Variants in COMMD10 observed in about 807,000 individuals in gnomAD.
COMMD10 encodes COMM domain containing 10.
In COMMD10, 33 loss-of-function variants were observed where a neutral mutation model predicts 28.9. The observed-to-expected ratio is 1.14, with a 90% CI of 0.87 to 1.53. COMMD10 has a LOEUF of 1.53. Among genes scored for constraint, COMMD10 ranks in the 40% most tolerant of loss-of-function variants. COMMD10 has a pLI of 0.00. For missense variants in COMMD10, 310 were observed against 233.4 expected, an observed-to-expected ratio of 1.33 and a Z score of -2.14; for synonymous variants, 110 against 81.7, an observed-to-expected ratio of 1.35 and a Z score of -1.87.
At chr5:116,215,606 G>GA (rs1341528981) in intron 5 of COMMD10, among the ~76,000 whole-genome samples, 2 of 150,838 alleles carry the variant, frequency 1.3e-5, no homozygotes, top group African/African-American at 2.4e-5. Flanking sequence ...AGAATCGCTT[G>GA]ATCCCGGGAG....
At chr5:116,165,659 G>A (rs1289120488) in intron 5 of COMMD10, among the ~76,000 whole-genome samples, 2 of 152,068 alleles carry the variant, frequency 1.3e-5, no homozygotes, top group East Asian at 1.9e-4. Context: ...CACAGGGCTG[G>A]TAGAGAGTGA....
intron 5 of COMMD10, among the ~76,000 whole-genome samples, chr5:116,146,881 T>G (rs1383758502): frequency 6.6e-6 from 1 of 151,908 alleles, no homozygotes; most frequent in Non-Finnish European, 1.5e-5. Flanking sequence ...ATATAAAATC[T>G]CTTTATTTTT....
chr5:116,264,612 TACATAACAGACACAGC>T (rs1750535294), intron 5 of COMMD10, among the ~76,000 whole-genome samples: 1 of 151,920 alleles, frequency 6.6e-6, no homozygotes. Flanking sequence ...CCCATCCGTT[TACATAACAGACACAGC>T]ACTGTGGTCT....
At chr5:116,114,870 G>A (rs1377553435) in intron 4 of COMMD10, among the ~76,000 whole-genome samples, 3 of 152,094 alleles carry the variant, frequency 2.0e-5, no homozygotes, top group Non-Finnish European at 4.4e-5. Context: ...GCCCTGCCCA[G>A]GTCAGGACCA....
At chr5:116,091,256 C>T (rs1750290845) in intron 3 of COMMD10, 67 bp downstream of exon 3, 1 of 700,044 alleles carries the variant, frequency 1.4e-6, no homozygotes, top group Non-Finnish European at 2.3e-6. Flanking sequence ...GTTATGATAT[C>T]TATGACATTC....
At chr5:116,200,607 T>C (rs1406581153) in intron 5 of COMMD10, among the ~76,000 whole-genome samples, 1 of 152,088 alleles carries the variant, frequency 6.6e-6, no homozygotes, top group Non-Finnish European at 1.5e-5. Flanking sequence ...GTTTTTTGTT[T>C]TGTTTTGTTT....
intron 5 of COMMD10, among the ~76,000 whole-genome samples, chr5:116,282,474 C>G (rs182539830): frequency 1.3e-5 from 2 of 151,972 alleles, no homozygotes; most frequent in Admixed American, 6.5e-5. Flanking sequence ...ATATCTAAAA[C>G]TCTATAATGC....
At chr5:116,243,426 T>C (rs1347053793) in intron 5 of COMMD10, among the ~76,000 whole-genome samples, 5 of 152,166 alleles carry the variant, frequency 3.3e-5, no homozygotes, top group Non-Finnish European at 7.4e-5. Context: ...CATGTTTTAA[T>C]TTCTGAAATA....
Position 116,187,886 on chromosome 5 carries a change from G to T in COMMD10, c.510+53708G>T, listed in dbSNP as rs114572320. Among the ~76,000 whole-genome samples, 1,134 of 152,120 alleles carry T rather than the reference G, an allele frequency of 7.5e-3. 21 individuals are homozygous for T. The highest frequency in any genetic ancestry group is 0.026 in the African/African-American group (1,086 of 41,504). On this transcript the variant is annotated intron_variant, in intron 5 of 6. Coordinates refer to ENST00000274458, the MANE Select transcript of COMMD10 (RefSeq NM_016144.4). Reference sequence around the variant, plus strand: ...TATTTTAGTTAAGTTATAGCCATGTGTCTTGGGTAGAATTCTGAGAGAATA... The same window carrying T: ...TATTTTAGTTAAGTTATAGCCATGTTTCTTGGGTAGAATTCTGAGAGAATA...
At chr5:116,100,988 G>A (rs1750641754) in intron 4 of COMMD10, among the ~76,000 whole-genome samples, 1 of 152,152 alleles carries the variant, frequency 6.6e-6, no homozygotes, top group Non-Finnish European at 1.5e-5. Context: ...GTAAGAATAT[G>A]CAGTATTTGT....
At chr5:116,214,380 A>G (rs1455161703) in intron 5 of COMMD10, among the ~76,000 whole-genome samples, 2 of 152,194 alleles carry the variant, frequency 1.3e-5, no homozygotes, top group Non-Finnish European at 2.9e-5. Flanking sequence ...ATTTTTTAAA[A>G]CAAAACTTTT....
At chr5:116,149,159 T>C (rs1467787045) in intron 5 of COMMD10, among the ~76,000 whole-genome samples, 4 of 143,600 alleles carry the variant, frequency 2.8e-5, no homozygotes, top group Non-Finnish European at 6.0e-5. Flanking sequence ...TCCAATTTCA[T>C]CCATGTCCCT....
rs185102269 is a variant in COMMD10, at chr5:116,168,091, C to T, written c.510+33913C>T. Among the ~76,000 whole-genome samples the T allele has an allele frequency of 8.3e-3, 1,187 of 143,334 alleles. 16 individuals carry two copies. The highest frequency in any genetic ancestry group is 0.029 in the African/African-American group (1,088 of 38,046). 94.0% of individuals were successfully genotyped at this position (143,334 alleles called of 152,430 possible). A position where few individuals can be genotyped will look rare whatever the true frequency, so the allele number is the denominator to read the frequency against. On this transcript the variant is annotated intron_variant, in intron 5 of 6. Coordinates refer to ENST00000274458, the MANE Select transcript of COMMD10 (RefSeq NM_016144.4). Reference sequence around the variant, plus strand: ...TGTGCTGTATTCAGGAGACCCATCTCGTGTGCAAAGACACACATAGGCTCA... The same window carrying T: ...TGTGCTGTATTCAGGAGACCCATCTTGTGTGCAAAGACACACATAGGCTCA...
intron 5 of COMMD10, among the ~76,000 whole-genome samples, chr5:116,229,472 A>G (rs1749475106): frequency 6.6e-6 from 1 of 152,050 alleles, no homozygotes; most frequent in Admixed American, 6.6e-5. Flanking sequence ...CATTACCTCT[A>G]TTCAACTGTG....
At chr5:116,291,608 T>C (rs1477790644) in intron 6 of COMMD10, 32 bp downstream of exon 6, 3 of 1,233,690 alleles carry the variant, frequency 2.4e-6, no homozygotes, top group Non-Finnish European at 3.5e-6. Context: ...TTCTAATATG[T>C]GGAGTTTTTT....
At chr5:116,101,225 T>A (rs958289586) in intron 4 of COMMD10, among the ~76,000 whole-genome samples, 4 of 152,068 alleles carry the variant, frequency 2.6e-5, no homozygotes, top group Non-Finnish European at 5.9e-5. Context: ...ACCTTTTTAG[T>A]ACACTGATTT....
chr5:116,233,426 A>T (rs897292251), intron 5 of COMMD10, among the ~76,000 whole-genome samples: 3 of 152,172 alleles, frequency 2.0e-5, no homozygotes, highest in Non-Finnish European at 2.9e-5. Context: ...TATCTCCCAC[A>T]GATAAGGGGG....
chr5:116,138,482 C>T (rs574564711), intron 5 of COMMD10, among the ~76,000 whole-genome samples: 1 of 151,812 alleles, frequency 6.6e-6, no homozygotes, highest in African/African-American at 2.4e-5. Flanking sequence ...CTTTGAATAT[C>T]TTAAAATACT....
At chr5:116,238,714 A>C (rs138197676) in intron 5 of COMMD10, among the ~76,000 whole-genome samples, 1 of 152,304 alleles carries the variant, frequency 6.6e-6, no homozygotes, top group Non-Finnish European at 1.5e-5. Flanking sequence ...CAAGATGAAA[A>C]TCTCCAGCTC....
Sources: allele counts gnomAD v4.1 joint callset (sites outside exome capture counted in the v4.1 genomes callset), GRCh38; gene constraint gnomAD v4.1.1; transcripts MANE v1.5; gene names NCBI Gene and HGNC (gene_info 2026-07-23, HGNC 2026-07-21).